Variants in CEP290 observed in about 807,000 individuals in gnomAD.
The protein encoded by CEP290 is centrosomal protein 290, also known as centrosomal protein of 290 kDa.
In CEP290, 317 loss-of-function variants were observed where a neutral mutation model predicts 344.9. The ratio of observed to expected loss-of-function variants is 0.92; its 90% CI spans 0.84 to 1.01. CEP290 has a LOEUF of 1.01. CEP290 is among the 50% of genes least tolerant of loss of function. The pLI is 0.00. For missense variants in CEP290, 2,754 were observed against 2,761.4 expected (o/e 1.00, Z 0.06); for synonymous variants, 932 against 895.8 (o/e 1.04, Z -0.72).
At chr12:88,096,843 T>G in intron 27 of CEP290, 45 bp downstream of exon 27, 1 of 918,294 alleles carries the variant, frequency 1.1e-6, no homozygotes, top group African/African-American at 1.7e-5. Flanking sequence ...AAATATTCAT[T>G]ATTAGATGTT....
Position 88,084,854 on chromosome 12 carries a change from T to G in CEP290, c.4438-2A>C. 6.6e-7 allele frequency: 1 copy of G among 1,519,202 alleles called. No individual in the cohort carries two copies. The highest frequency in any genetic ancestry group is 8.8e-7 in the Non-Finnish European group (1 of 1,133,430). 94.1% of individuals were successfully genotyped at this position (1,519,202 alleles called of 1,614,324 possible). A position where few individuals can be genotyped will look rare whatever the true frequency, so the allele number is the denominator to read the frequency against. ...AGCAGATTCTTTCTCTTTTAGTTTC[T>G]GCAATGATTAAATTATAATAAATCA... On this transcript the variant is annotated splice_acceptor_variant, in intron 34 of 53. Coordinates refer to ENST00000552810, the MANE Select transcript of CEP290 (RefSeq NM_025114.4). LOFTEE classifies it high-confidence loss of function.
At chr12:88,073,199 G>A (rs572556385) in intron 41 of CEP290, among the ~76,000 whole-genome samples, 7 of 152,222 alleles carry the variant, frequency 4.6e-5, no homozygotes, top group African/African-American at 1.7e-4. Flanking sequence ...AGTTTTCTAG[G>A]AATACAACAG....
At chr12:88,097,311 GT>G (rs2037501526) in intron 26 of CEP290, among the ~76,000 whole-genome samples, 2 of 151,874 alleles carry the variant, frequency 1.3e-5, no homozygotes, top group South Asian at 2.1e-4. Context: ...CGTGGGGGTG[GT>G]TTCCCCCACG....
intron 25 of CEP290, chr12:88,103,847 T>C (rs915291605): frequency 1.1e-4 from 16 of 152,060 alleles, no homozygotes; most frequent in African/African-American, 3.1e-4. Flanking sequence ...CCATCTAAGT[T>C]AAGTACACAC....
chr12:88,132,526 C>T (rs372382821), intron 6 of CEP290, among the ~76,000 whole-genome samples: 41 of 152,228 alleles, frequency 2.7e-4, no homozygotes, highest in Middle Eastern at 6.8e-3. Flanking sequence ...CTTTTTCAAA[C>T]AGACAAGCTG....
At chr12:88,087,447 T>A (rs1044120655) in intron 32 of CEP290, among the ~76,000 whole-genome samples, 2 of 151,862 alleles carry the variant, frequency 1.3e-5, no homozygotes, top group African/African-American at 4.8e-5. Context: ...GTTTAAAATC[T>A]TAGGGGCTCA....
At chr12:88,065,063 T>TA (rs985548235) in intron 44 of CEP290, among the ~76,000 whole-genome samples, 69 of 152,236 alleles carry the variant, frequency 4.5e-4, no homozygotes, top group African/African-American at 1.6e-3. Flanking sequence ...TTATTTTTTT[T>TA]AACTGTGCTT....
chr12:88,138,766 A>G (rs2040476219), intron 5 of CEP290, among the ~76,000 whole-genome samples: 1 of 152,202 alleles, frequency 6.6e-6, no homozygotes, highest in African/African-American at 2.4e-5. Flanking sequence ...CAGGAATCTC[A>G]ATGTATTTTG....
Position 88,083,090 on chromosome 12 carries a change from C to T in CEP290, c.4953G>A (p.Leu1651=). 3 of 1,531,060 alleles carry T rather than the reference C, an allele frequency of 2.0e-6. No individual in the cohort carries two copies. Among genetic ancestry groups the T allele is most frequent in the Non-Finnish European group, 2.6e-6 (3 of 1,138,310 alleles). The allele number at this position is 1,531,060 out of a possible 1,614,324, so 94.8% of individuals were successfully genotyped here. The change falls in exon 37 of 54, where the codon TTG becomes TTA. Residue 1651 remains leucine, a synonymous_variant. Coordinates refer to ENST00000552810, the MANE Select transcript of CEP290 (RefSeq NM_025114.4). ...ATTCAGTGATTTCTCTTTGTCTCTC[C>T]AAATCTTGTGATACTTTCTTTAGTT... ...LVKLKKVSQD[L]ERQREITELK... is the part of the protein sequence containing the mutation.
intron 29 of CEP290, 73 bp downstream of exon 29, chr12:88,092,608 T>C (rs1457129819): frequency 1.5e-6 from 2 of 1,323,218 alleles, no homozygotes; most frequent in Non-Finnish European, 2.1e-6. Context: ...TGTATACCTG[T>C]AATTGGGTTT....
chr12:88,084,868 T>A lies in CEP290; in HGVS notation c.4438-16A>T. 6.8e-7 allele frequency: 1 copy of A among 1,465,172 alleles called. No homozygotes were observed. Among genetic ancestry groups the A allele is most frequent in the Non-Finnish European group, 9.1e-7 (1 of 1,098,520 alleles). The allele number at this position is 1,465,172 out of a possible 1,614,324, so 90.8% of individuals were successfully genotyped here. On this transcript the variant is annotated splice_polypyrimidine_tract_variant and intron_variant, in intron 34 of 53. Transcript: ENST00000552810. ...CTTTTAGTTTCTGCAATGATTAAAT[T>A]ATAATAAATCATTAAAGTATCTTTT...
At chr12:88,069,289 A>C (rs1261531613) in intron 43 of CEP290, among the ~76,000 whole-genome samples, 1 of 152,152 alleles carries the variant, frequency 6.6e-6, no homozygotes, top group Non-Finnish European at 1.5e-5. Context: ...TGATTCATAA[A>C]ATTTAGAAAT....
chr12:88,129,661 G>A (rs551799327), intron 10 of CEP290, 33 bp downstream of exon 10: 1 of 1,218,048 alleles, frequency 8.2e-7, no homozygotes, highest in Admixed American at 2.9e-5. Context: ...TATGAAGTCT[G>A]AATAAATAAG....
rs575451036 is a variant in CEP290 at position 88,136,267 on chromosome 12, A to C, written c.441+376T>G. 305 of 202,372 alleles carry C rather than the reference A, an allele frequency of 1.5e-3. 1 individual carries two copies. Among genetic ancestry groups the C allele is most frequent in the African/African-American group, 6.5e-3 (275 of 41,988 alleles). The allele number at this position is 202,372 out of a possible 1,614,324, so 12.5% of individuals were successfully genotyped here. A position where few individuals can be genotyped will look rare whatever the true frequency, so the allele number is the denominator to read the frequency against. ...TTGCGAATCTACTAATCATATAAAT[A>C]CATTGAAATGAACAAATATAACTTT... On this transcript the variant is annotated intron_variant, in intron 6 of 53. Transcript: ENST00000552810.
At position 88,049,276 on chromosome 12, in the gene CEP290, C is replaced by G. The variant is rs1307904857; in HGVS notation, c.7348G>C (p.Glu2450Gln). ...CTAGTTAATTCAACTCCCAATTGTT[C>G]TGAAAGTTTTTTTACCTTCTCTTCT... ...LLEEKVKKLSEQLGVELTSPV... is the reference protein window; with the variant it reads ...LLEEKVKKLSQQLGVELTSPV... The change falls in exon 54 of 54, where the codon GAA becomes CAA. Residue 2450 changes from glutamate (E) to glutamine (Q), a missense_variant. Coordinates refer to ENST00000552810, the MANE Select transcript of CEP290 (RefSeq NM_025114.4). 28 of 1,609,840 alleles carry G rather than the reference C, an allele frequency of 1.7e-5. No homozygotes were observed. Among genetic ancestry groups the G allele is most frequent in the Non-Finnish European group, 2.3e-5 (27 of 1,178,382 alleles).
chr12:88,086,267 C>T (rs1404478998), intron 33 of CEP290, 94 bp from the exon 34 acceptor site: 1 of 1,476,840 alleles, frequency 6.8e-7, no homozygotes, highest in Non-Finnish European at 9.2e-7. Context: ...TAGATTAAAC[C>T]CCTCTTATAT....
intron 41 of CEP290, 71 bp downstream of exon 41, chr12:88,077,151 T>C (rs2035839168): frequency 4.2e-6 from 6 of 1,429,384 alleles, no homozygotes; most frequent in Middle Eastern, 1.8e-4. Flanking sequence ...ATATTAACTG[T>C]TAATCAGCTA....
chr12:88,051,378 T>C (rs540916985), intron 52 of CEP290, among the ~76,000 whole-genome samples: 1 of 152,150 alleles, frequency 6.6e-6, no homozygotes, highest in African/African-American at 2.4e-5. Context: ...TTTATATTTT[T>C]AGTAGAGACA....
chr12:88,115,501 G>A, intron 18 of CEP290: 1 of 1,299,234 alleles, frequency 7.7e-7, no homozygotes, highest in Non-Finnish European at 1.0e-6. Context: ...CTTCTGTGAT[G>A]TTCAAGCTCT....
Sources: gnomAD v4.1 joint callset for allele counts (sites outside exome capture counted in the v4.1 genomes callset) on GRCh38, gnomAD v4.1.1 for gene constraint, MANE v1.5 for transcripts, NCBI Gene and HGNC (gene_info 2026-07-23, HGNC 2026-07-21) for gene names.